PCDHA11: variants seen among roughly 807,000 people sequenced by gnomAD.
PCDHA11 encodes the protein protocadherin alpha 11, also known as protocadherin alpha-11.
A neutral mutation model predicts 70.3 loss-of-function variants in PCDHA11; 61 were observed. The ratio of observed to expected loss-of-function variants is 0.87; its 90% CI spans 0.71 to 1.07. PCDHA11 has a LOEUF of 1.07. Ranked by LOEUF, PCDHA11 falls within the 50% of genes least tolerant of loss-of-function variation. The pLI, the probability that PCDHA11 is intolerant of heterozygous loss-of-function variation, is 0.00. For synonymous variants in PCDHA11, 633 were observed against 555.1 expected (o/e 1.14, Z -1.97); for missense variants, 1,324 against 1,237.5 (o/e 1.07, Z -1.05).
chr5:140,977,433 A>G (rs939711301), intron 1 of PCDHA11, among the ~76,000 whole-genome samples: 6 of 152,218 alleles, frequency 3.9e-5, no homozygotes, highest in Non-Finnish European at 7.3e-5. Flanking sequence ...TAACACCGCT[A>G]GTAGATAATG....
chr5:140,989,139 C>G (rs1308771993), intron 3 of PCDHA11, among the ~76,000 whole-genome samples: 1 of 152,136 alleles, frequency 6.6e-6, no homozygotes, highest in African/African-American at 2.4e-5. Context: ...ACACTTTATC[C>G]CTTCTTTTGT....
chr5:141,009,770 A>T lies in PCDHA11; in HGVS notation c.2683A>T (p.Ile895Phe). The part of the protein sequence containing the change: ...DKFIIPGSPA[I>F]ISIRQEPTNS... The stretch of plus-strand genomic sequence containing the variant: ...ATTCATTATCCCAGGATCTCCTGCA[A>T]TCATCTCCATCCGGCAGGAGCCTAC... The change falls in exon 4 of 4, where the codon ATC becomes TTC. Residue 895 changes from isoleucine to phenylalanine, a missense_variant. Transcript: ENST00000398640. 6.2e-7 allele frequency: 1 copy of T among 1,614,160 alleles called. No homozygotes were observed. The highest frequency in any genetic ancestry group is 8.5e-7 in the Non-Finnish European group (1 of 1,180,028).
intron 1 of PCDHA11, among the ~76,000 whole-genome samples, chr5:140,960,972 T>G (rs936519951): frequency 4.9e-4 from 75 of 152,306 alleles, no homozygotes; most frequent in Non-Finnish European, 2.2e-4. Flanking sequence ...GCAGTTGCAA[T>G]TCTTGTTCCA....
chr5:141,009,771 T>A lies in PCDHA11; in HGVS notation c.2684T>A (p.Ile895Asn). The change falls in exon 4 of 4, where the codon ATC (isoleucine) becomes AAC (asparagine). Residue 895 changes from isoleucine (I) to asparagine (N), a missense_variant. Transcript: ENST00000398640. The part of the protein sequence containing the change: ...DKFIIPGSPA[I>N]ISIRQEPTNS... ...TTCATTATCCCAGGATCTCCTGCAA[T>A]CATCTCCATCCGGCAGGAGCCTACT... 3 of 1,614,082 alleles carry A rather than the reference T, an allele frequency of 1.9e-6. No homozygotes were observed. Among genetic ancestry groups the A allele is most frequent in the Non-Finnish European group, 2.5e-6 (3 of 1,180,020 alleles).
intron 1 of PCDHA11, chr5:140,876,720 G>C (rs781797133): frequency 2.5e-6 from 4 of 1,614,264 alleles, no homozygotes; most frequent in Non-Finnish European, 3.4e-6. Flanking sequence ...TGGACCGCGA[G>C]AGCGTGTCGG....
intron 1 of PCDHA11, chr5:140,966,887 G>A: frequency 6.3e-7 from 1 of 1,592,682 alleles, no homozygotes. Flanking sequence ...TGGCCCTGCG[G>A]CCTCCCAGCT....
intron 3 of PCDHA11, among the ~76,000 whole-genome samples, chr5:140,997,904 A>G (rs1446627520): frequency 6.6e-6 from 1 of 152,224 alleles, no homozygotes; most frequent in Non-Finnish European, 1.5e-5. Flanking sequence ...TTCAAGAAGT[A>G]GAATTACAGA....
chr5:140,890,945 G>A (rs2062873584), intron 1 of PCDHA11, among the ~76,000 whole-genome samples: 1 of 152,132 alleles, frequency 6.6e-6, no homozygotes, highest in Non-Finnish European at 1.5e-5. Flanking sequence ...AGATGCTGGT[G>A]AGGAATGATT....
Position 140,871,202 on chromosome 5 carries a change from T to C in PCDHA11, c.2099T>C (p.Ile700Thr). ...AALVDVNVYLIIAICVVSSLL... is the reference protein window; with the variant it reads ...AALVDVNVYLTIAICVVSSLL... ...CTGGTGGATGTCAACGTGTACCTGA[T>C]CATCGCCATCTGCGTGGTGTCCAGC... Residue 700 changes from isoleucine to threonine, a missense_variant, in exon 1 of 4, where the codon ATC becomes ACC. Ile to Thr is a moderately conservative substitution (Grantham distance 89). Transcript: ENST00000398640. 6.2e-7 allele frequency: 1 copy of C among 1,613,730 alleles called. No homozygotes were observed. Among genetic ancestry groups the C allele is most frequent in the Non-Finnish European group, 8.5e-7 (1 of 1,179,934 alleles).
chr5:140,887,140 A>T (rs1414836088), intron 1 of PCDHA11, among the ~76,000 whole-genome samples: 3 of 150,560 alleles, frequency 2.0e-5, no homozygotes, highest in Non-Finnish European at 4.4e-5. Context: ...TCTGTCGCCC[A>T]GGCTGGAGTA....
intron 1 of PCDHA11, among the ~76,000 whole-genome samples, chr5:140,969,881 G>A (rs1554232131): frequency 6.6e-6 from 1 of 152,196 alleles, no homozygotes; most frequent in African/African-American, 2.4e-5. Context: ...CTATGTGATA[G>A]GATCCTCTGG....
chr5:140,946,271 A>G (rs2093916351), intron 1 of PCDHA11, among the ~76,000 whole-genome samples: 1 of 152,058 alleles, frequency 6.6e-6, no homozygotes, highest in Non-Finnish European at 1.5e-5. Context: ...GCGAATTAAA[A>G]CCCCAATGAG....
chr5:140,952,221 C>T (rs991982346), intron 1 of PCDHA11, among the ~76,000 whole-genome samples: 1 of 151,940 alleles, frequency 6.6e-6, no homozygotes, highest in Non-Finnish European at 1.5e-5. Flanking sequence ...TTTCCAGGCA[C>T]AGTGTGCAAG....
At chr5:140,891,007 G>A (rs1228475433) in intron 1 of PCDHA11, among the ~76,000 whole-genome samples, 7 of 152,030 alleles carry the variant, frequency 4.6e-5, no homozygotes, top group African/African-American at 7.3e-5. Context: ...TTATTGAAAA[G>A]CATTTTTTCT....
At chr5:140,952,675 T>A (rs2153696875) in intron 1 of PCDHA11, among the ~76,000 whole-genome samples, 1 of 152,326 alleles carries the variant, frequency 6.6e-6, no homozygotes, top group East Asian at 1.9e-4. Context: ...ACTTTCACAT[T>A]TTCAGGATCT....
At chr5:140,928,671 T>C in intron 1 of PCDHA11, 7 of 1,614,214 alleles carry the variant, frequency 4.3e-6, no homozygotes, top group Non-Finnish European at 5.9e-6. Context: ...GTGGTTCTAA[T>C]GCCTGGCTTT....
chr5:140,982,963 A>G (rs2097017646), intron 3 of PCDHA11, among the ~76,000 whole-genome samples: 1 of 151,972 alleles, frequency 6.6e-6, no homozygotes, highest in South Asian at 2.1e-4. Context: ...AAACCCACCC[A>G]AAGTAGTAAG....
chr5:140,886,539 T>C (rs1463145945), intron 1 of PCDHA11, among the ~76,000 whole-genome samples: 6 of 152,154 alleles, frequency 3.9e-5, no homozygotes, highest in African/African-American at 1.4e-4. Context: ...GTTAGAAAGG[T>C]CTTCCCAGCT....
intron 1 of PCDHA11, among the ~76,000 whole-genome samples, chr5:140,959,626 AAG>A (rs529579902): frequency 6.2e-4 from 95 of 152,334 alleles, no homozygotes; most frequent in African/African-American, 2.0e-3. Context: ...GATAGAAAAA[AAG>A]AGAGAAAAAA....
Sources: allele counts gnomAD v4.1 joint callset (sites outside exome capture counted in the v4.1 genomes callset), GRCh38; gene constraint gnomAD v4.1.1; transcripts MANE v1.5; gene names NCBI Gene and HGNC (gene_info 2026-07-23, HGNC 2026-07-21).